The following NRXN3 variants were observed in gnomAD, a reference collection of about 807,000 sequenced individuals.
NRXN3 encodes the protein neurexin III.
NRXN3 carries 32 observed loss-of-function variants against 137.6 expected under a neutral mutation model. The observed-to-expected ratio is 0.23, with a 90% CI of 0.18 to 0.31. The LOEUF is 0.31. Among genes scored for constraint, NRXN3 ranks in the 10% least tolerant of loss-of-function variants. The probability of loss-of-function intolerance (pLI) is 1.00; values close to 1 mark genes in which losing one functional copy is unlikely to be tolerated. For missense variants in NRXN3, 1,574 were observed against 2,062.5 expected, an observed-to-expected ratio of 0.76 and a Z score of 4.59; for synonymous variants, 798 against 784.5, an observed-to-expected ratio of 1.02 and a Z score of -0.29.
chr14:79,787,035 C>G (rs2099131413), intron 19 of NRXN3, among the ~76,000 whole-genome samples: 1 of 152,192 alleles, frequency 6.6e-6, no homozygotes, highest in African/African-American at 2.4e-5. Context: ...TGGCACTTTG[C>G]AAGAAATTGG....
At chr14:79,299,260 TAAAA>T (rs1182307114) in intron 15 of NRXN3, among the ~76,000 whole-genome samples, 1 of 152,158 alleles carries the variant, frequency 6.6e-6, no homozygotes, top group Non-Finnish European at 1.5e-5. Flanking sequence ...GTGATCATGA[TAAAA>T]GAATCACAGC....
At chr14:78,840,222 A>G (rs1178559709) in intron 10 of NRXN3, among the ~76,000 whole-genome samples, 2 of 152,324 alleles carry the variant, frequency 1.3e-5, no homozygotes, top group Non-Finnish European at 2.9e-5. Flanking sequence ...CCATTGTCAA[A>G]GAGGCATTTA....
At chr14:78,501,017 A>G (rs1476911031) in intron 4 of NRXN3, among the ~76,000 whole-genome samples, 1 of 152,144 alleles carries the variant, frequency 6.6e-6, no homozygotes, top group African/African-American at 2.4e-5. Context: ...CAGATGATCA[A>G]GCCTTTCTTA....
rs1567013204 is a variant in NRXN3, at chr14:78,225,977, GTGTGTGT to G, written c.-703-16413_-703-16407del. On this transcript the variant is annotated intron_variant, in intron 1 of 20. Coordinates refer to ENST00000335750, the MANE Select transcript of NRXN3 (RefSeq NM_001330195.2). ...GGTGTGTGTGTGTGTGTGTGTTGGT[GTGTGTGT>G]GTGTGTGTGTGTGTGTGTGTGTGTG... Among the ~76,000 whole-genome samples the G allele has an allele frequency of 7.1e-5, 5 of 70,742 alleles. No homozygotes were observed. In the East Asian group the frequency reaches 2.0e-3, roughly 28 times the overall value. 46.4% of individuals were successfully genotyped at this position (70,742 alleles called of 152,430 possible). A position where few individuals can be genotyped will look rare whatever the true frequency, so the allele number is the denominator to read the frequency against.
intron 6 of NRXN3, among the ~76,000 whole-genome samples, chr14:78,681,840 C>T (rs148894163): frequency 2.0e-5 from 3 of 152,088 alleles, no homozygotes; most frequent in East Asian, 3.9e-4. Context: ...TTCCTCATTG[C>T]GTGATTGATA....
At chr14:78,612,531 A>T (rs1228625039) in intron 4 of NRXN3, among the ~76,000 whole-genome samples, 1 of 152,172 alleles carries the variant, frequency 6.6e-6, no homozygotes, top group Non-Finnish European at 1.5e-5. Flanking sequence ...GCCCCTTGAA[A>T]ACATGTGCAA....
chr14:78,791,308 T>C (rs2098804463), intron 8 of NRXN3, among the ~76,000 whole-genome samples: 1 of 152,136 alleles, frequency 6.6e-6, no homozygotes, highest in Non-Finnish European at 1.5e-5. Context: ...GGGTTTTCTC[T>C]TTCAAGTTAA....
intron 4 of NRXN3, among the ~76,000 whole-genome samples, chr14:78,304,574 A>C (rs1432855992): frequency 6.6e-6 from 1 of 152,104 alleles, no homozygotes; most frequent in Non-Finnish European, 1.5e-5. Flanking sequence ...AAGTGTTGAG[A>C]GTATATTTTG....
At chr14:78,615,241 G>A (rs943278820) in intron 4 of NRXN3, among the ~76,000 whole-genome samples, 1 of 152,038 alleles carries the variant, frequency 6.6e-6, no homozygotes, top group Admixed American at 6.5e-5. Context: ...TAGCTGCTTT[G>A]TAATAAGTAA....
intron 16 of NRXN3, among the ~76,000 whole-genome samples, chr14:79,526,047 A>G (rs2153709951): frequency 6.6e-6 from 1 of 151,656 alleles, no homozygotes; most frequent in South Asian, 2.1e-4. Context: ...ATACCCACCT[A>G]ATTTTTTTTC....
intron 15 of NRXN3, among the ~76,000 whole-genome samples, chr14:79,209,864 G>C (rs907297422): frequency 2.0e-5 from 3 of 152,156 alleles, no homozygotes; most frequent in Non-Finnish European, 4.4e-5. Context: ...TTAGTCTGTA[G>C]TACAACACTG....
chr14:78,593,434 C>A (rs1042929089), intron 4 of NRXN3, among the ~76,000 whole-genome samples: 1 of 152,210 alleles, frequency 6.6e-6, no homozygotes, highest in African/African-American at 2.4e-5. Flanking sequence ...TCAGGCCCCT[C>A]TCTCCCTGCT....
intron 2 of NRXN3, among the ~76,000 whole-genome samples, chr14:78,273,357 C>T (rs1410480563): frequency 6.6e-6 from 1 of 152,226 alleles, no homozygotes; most frequent in African/African-American, 2.4e-5. Flanking sequence ...GCACTTAGAA[C>T]AGTGCCTAGC....
chr14:79,159,826 G>C (rs190245415), intron 15 of NRXN3, among the ~76,000 whole-genome samples: 37 of 151,908 alleles, frequency 2.4e-4, no homozygotes, highest in Middle Eastern at 3.4e-3. Context: ...GTTCAGACAT[G>C]TTATAACAAG....
At chr14:79,621,952 C>T (rs1402311548) in intron 16 of NRXN3, among the ~76,000 whole-genome samples, 2 of 152,156 alleles carry the variant, frequency 1.3e-5, no homozygotes, top group Admixed American at 1.3e-4. Flanking sequence ...AATGTAGAAT[C>T]TCAAGCCCCA....
chr14:78,899,931 G>T, intron 10 of NRXN3, among the ~76,000 whole-genome samples: 1 of 151,736 alleles, frequency 6.6e-6, no homozygotes. Flanking sequence ...AAATTTTCTT[G>T]TGTTCAGACC....
intron 10 of NRXN3, among the ~76,000 whole-genome samples, chr14:78,896,548 G>C (rs570670993): frequency 1.3e-4 from 20 of 151,914 alleles, no homozygotes; most frequent in African/African-American, 3.9e-4. Flanking sequence ...ATGGAGATCT[G>C]ATTACTAGCT....
Position 79,793,045 on chromosome 14 carries a change from T to TA in NRXN3, c.4015-12066dup, listed in dbSNP as rs1271527092. ...GGTCTGGGCAGATAGAGAGGGGAGTTAGAGTGGGAGCATGTGCATTAAAAG... is the reference window on the plus strand; with the variant it reads ...GGTCTGGGCAGATAGAGAGGGGAGTTAAGAGTGGGAGCATGTGCATTAAAAG... On this transcript the variant is annotated intron_variant, in intron 19 of 20. Transcript: ENST00000335750. Among the ~76,000 whole-genome samples the TA allele has an allele frequency of 1.2e-4, 19 of 152,122 alleles. No individual in the cohort carries two copies. In the East Asian group the frequency reaches 3.3e-3, roughly 26 times the overall value.
chr14:79,161,394 T>G (rs537186563), intron 15 of NRXN3, among the ~76,000 whole-genome samples: 4 of 152,068 alleles, frequency 2.6e-5, no homozygotes, highest in African/African-American at 7.2e-5. Flanking sequence ...CTCTGTCAAT[T>G]GTATTCTGAA....
Sources: allele counts gnomAD v4.1 joint callset (sites outside exome capture counted in the v4.1 genomes callset), GRCh38; gene constraint gnomAD v4.1.1; transcripts MANE v1.5; gene names NCBI Gene and HGNC (gene_info 2026-07-23, HGNC 2026-07-21).